Variants in LIN7A observed in about 807,000 individuals in gnomAD.
LIN7A encodes lin-7 cell polarity scaffold A.
In LIN7A, 25 loss-of-function variants were observed where a neutral mutation model predicts 29.8. The ratio of observed to expected loss-of-function variants is 0.84; its 90% CI spans 0.61 to 1.17. The LOEUF (loss-of-function observed/expected upper bound fraction) is 1.17. Ranked by LOEUF, LIN7A falls within the 50% of genes most tolerant of loss-of-function variation. The pLI, the probability that LIN7A is intolerant of heterozygous loss-of-function variation, is 0.00. For synonymous variants in LIN7A, 118 were observed against 107.5 expected, an observed-to-expected ratio of 1.10 and a Z score of -0.60; for missense variants, 239 against 287.0, an observed-to-expected ratio of 0.83 and a Z score of 1.21.
chr12:80,870,327 T>G (rs1050419453), intron 2 of LIN7A, among the ~76,000 whole-genome samples: 1 of 152,218 alleles, frequency 6.6e-6, no homozygotes, highest in African/African-American at 2.4e-5. Flanking sequence ...CTCTAAAGTG[T>G]GGATTAAATA....
chr12:80,845,806 C>A lies in LIN7A; in HGVS notation c.407G>T (p.Arg136Leu). ...TTCAGCCACCCCTCCAGGAATTATG[C>A]GAGAGATATAAATGGGGGAATTTTG... ...KEQNSPIYIS[R>L]IIPGGVAERH... The change falls in exon 4 of 6, where the codon CGC (arginine) becomes CTC (leucine). Residue 136 changes from arginine to leucine, a missense_variant. Physicochemically the swap from Arg to Leu is moderately radical, Grantham distance 102. Transcript: ENST00000552864. 6.2e-7 allele frequency: 1 copy of A among 1,613,778 alleles called. No homozygotes were observed. Among genetic ancestry groups the A allele is most frequent in the East Asian group, 2.2e-5 (1 of 44,860 alleles).
At chr12:80,833,171 C>G (rs1389577742) in intron 4 of LIN7A, among the ~76,000 whole-genome samples, 1 of 152,166 alleles carries the variant, frequency 6.6e-6, no homozygotes, top group Non-Finnish European at 1.5e-5. Context: ...AACCTATGCC[C>G]TTGTTTATGT....
chr12:80,798,541 C>G (rs769536049), intron 5 of LIN7A, among the ~76,000 whole-genome samples: 2 of 151,916 alleles, frequency 1.3e-5, no homozygotes, highest in East Asian at 4.0e-4. Flanking sequence ...GAGTCACCAA[C>G]GAGATATTAT....
intron 2 of LIN7A, among the ~76,000 whole-genome samples, chr12:80,850,545 G>A (rs1205365391): frequency 2.6e-5 from 4 of 152,092 alleles, no homozygotes; most frequent in Non-Finnish European, 5.9e-5. Context: ...CCCTTCAGGA[G>A]ACATTTGGCA....
rs1274207342 is a variant in LIN7A, at chr12:80,793,525, G to T, written c.*4202C>A. 1.3e-5 allele frequency: 2 copies of T among 152,134 alleles called. No individual in the cohort carries two copies. The highest frequency in any genetic ancestry group is 4.8e-5 in the African/African-American group (2 of 41,424). 9.4% of individuals were successfully genotyped at this position (152,134 alleles called of 1,614,324 possible). On this transcript the variant is annotated 3_prime_UTR_variant, in exon 6 of 6. Coordinates refer to ENST00000552864, the MANE Select transcript of LIN7A (RefSeq NM_004664.4). ...TCTAGTTATTGCTAGAGTAAATGTT[G>T]GAGAGTTTCTCACAGTAACCTCCAA... is the stretch of plus-strand genomic sequence containing the variant.
At chr12:80,798,409 T>C (rs1870556110) in intron 5 of LIN7A, among the ~76,000 whole-genome samples, 1 of 152,178 alleles carries the variant, frequency 6.6e-6, no homozygotes, top group South Asian at 2.1e-4. Context: ...TTTAACAAAA[T>C]TGTTCTGTTT....
intron 1 of LIN7A, among the ~76,000 whole-genome samples, chr12:80,891,537 G>A (rs78548451): frequency 0.028 from 4,236 of 152,238 alleles, 186 homozygotes; most frequent in African/African-American, 0.098. Flanking sequence ...CATTTATGCA[G>A]TAGTGCTAGC....
intron 1 of LIN7A, among the ~76,000 whole-genome samples, chr12:80,928,182 C>T (rs1323363733): frequency 6.6e-6 from 1 of 152,072 alleles, no homozygotes. Context: ...GTGCATGTGT[C>T]TTTATAGTAG....
intron 2 of LIN7A, among the ~76,000 whole-genome samples, chr12:80,854,032 C>T (rs1488102669): frequency 1.3e-5 from 2 of 152,094 alleles, no homozygotes; most frequent in Non-Finnish European, 2.9e-5. Context: ...AGTGGAAATA[C>T]AAAATGGTAC....
intron 1 of LIN7A, among the ~76,000 whole-genome samples, chr12:80,927,545 G>A (rs1565932573): frequency 6.6e-6 from 1 of 152,084 alleles, no homozygotes. Flanking sequence ...AAGGGAATGT[G>A]GAAATTCATT....
intron 1 of LIN7A, among the ~76,000 whole-genome samples, chr12:80,906,198 G>T (rs1292490130): frequency 6.6e-6 from 1 of 152,182 alleles, no homozygotes; most frequent in Non-Finnish European, 1.5e-5. Context: ...AAGGAAAAAT[G>T]AAGAGCTGGT....
At chr12:80,917,194 A>G (rs1231949314) in intron 1 of LIN7A, among the ~76,000 whole-genome samples, 2 of 152,128 alleles carry the variant, frequency 1.3e-5, no homozygotes, top group Non-Finnish European at 2.9e-5. Flanking sequence ...TCAAGAGGAG[A>G]AGGGTATGCT....
intron 5 of LIN7A, among the ~76,000 whole-genome samples, chr12:80,806,501 G>C (rs929835575): frequency 1.2e-4 from 19 of 152,166 alleles, no homozygotes; most frequent in African/African-American, 4.6e-4. Context: ...ACCATTGCCA[G>C]GTGCTTTATA....
intron 5 of LIN7A, among the ~76,000 whole-genome samples, chr12:80,801,835 C>T (rs983134087): frequency 2.0e-5 from 3 of 151,896 alleles, no homozygotes; most frequent in Non-Finnish European, 2.9e-5. Flanking sequence ...TTTCTTTCCC[C>T]GATCACCCTT....
At chr12:80,812,405 C>T (rs1045391467) in intron 4 of LIN7A, among the ~76,000 whole-genome samples, 1 of 141,454 alleles carries the variant, frequency 7.1e-6, no homozygotes, top group Non-Finnish European at 1.5e-5. Context: ...AAAATAACCA[C>T]GAAATCAGAT....
chr12:80,860,531 T>G (rs1873812544), intron 2 of LIN7A, among the ~76,000 whole-genome samples: 1 of 152,224 alleles, frequency 6.6e-6, no homozygotes, highest in Non-Finnish European at 1.5e-5. Flanking sequence ...GAGATCACTT[T>G]CCTTTCCTGA....
At chr12:80,854,216 A>G (rs1873477354) in intron 2 of LIN7A, among the ~76,000 whole-genome samples, 1 of 152,178 alleles carries the variant, frequency 6.6e-6, no homozygotes, top group Non-Finnish European at 1.5e-5. Context: ...CAACCCAAAT[A>G]GCCTTCAGGT....
intron 5 of LIN7A, among the ~76,000 whole-genome samples, chr12:80,804,338 C>T (rs1348512271): frequency 1.3e-5 from 2 of 152,004 alleles, no homozygotes; most frequent in African/African-American, 2.4e-5. Flanking sequence ...TTTTTGTACC[C>T]GTTAACCATC....
Position 80,792,861 on chromosome 12 carries a change from C to T in LIN7A, c.*4866G>A, listed in dbSNP as rs1283710302. 3.9e-5 allele frequency: 6 copies of T among 152,124 alleles called. No homozygotes were observed. The highest frequency in any genetic ancestry group is 8.8e-5 in the Non-Finnish European group (6 of 68,008). 9.4% of individuals were successfully genotyped at this position (152,124 alleles called of 1,614,324 possible). A position where few individuals can be genotyped will look rare whatever the true frequency, so the allele number is the denominator to read the frequency against. On this transcript the variant is annotated 3_prime_UTR_variant, in exon 6 of 6. Coordinates refer to ENST00000552864, the MANE Select transcript of LIN7A (RefSeq NM_004664.4). ...ATGTCAGAAATTTTCTGGTCTGTAC[C>T]TTTAACCATGTTCCTGGCTTCACAT...
Sources: gnomAD v4.1 joint callset for allele counts (sites outside exome capture counted in the v4.1 genomes callset) on GRCh38, gnomAD v4.1.1 for gene constraint, MANE v1.5 for transcripts, NCBI Gene and HGNC (gene_info 2026-07-23, HGNC 2026-07-21) for gene names.